Variants in RANGAP1 observed in about 807,000 individuals in gnomAD.
RANGAP1 encodes the protein ran GTPase-activating protein 1.
A neutral mutation model predicts 63.5 loss-of-function variants in RANGAP1; 38 were observed. That is an observed-to-expected ratio of 0.60 (90% CI 0.46 to 0.78). RANGAP1 has a LOEUF of 0.78. RANGAP1 is among the 30% of genes least tolerant of loss of function. RANGAP1 has a pLI of 0.00. For synonymous variants in RANGAP1, 329 were observed against 310.5 expected (o/e 1.06, Z -0.63); for missense variants, 630 against 740.3 (o/e 0.85, Z 1.73).
intron 2 of RANGAP1, among the ~76,000 whole-genome samples, chr22:41,275,048 C>G (rs571221833): frequency 6.6e-6 from 1 of 152,066 alleles, no homozygotes; most frequent in African/African-American, 2.4e-5. Context: ...GTGTACCAGG[C>G]CAAGCAGAGA....
chr22:41,249,304 C>A (rs530664443), intron 15 of RANGAP1, 26 bp downstream of exon 15: 1 of 1,567,422 alleles, frequency 6.4e-7, no homozygotes. Context: ...GGGCAGGCAC[C>A]GGCAGAAGGA....
intron 6 of RANGAP1, among the ~76,000 whole-genome samples, chr22:41,259,632 A>G (rs2034046788): frequency 6.6e-6 from 1 of 152,246 alleles, no homozygotes. Flanking sequence ...TCTATATATC[A>G]GCAGTAACTA....
the RANGAP1 span, among the ~76,000 whole-genome samples, chr22:41,293,189 C>T: frequency 2.0e-5 from 3 of 150,266 alleles, no homozygotes; most frequent in East Asian, 3.9e-4. Context: ...GAGCCGAGAT[C>T]GCGCCACTGC....
intron 1 of RANGAP1, among the ~76,000 whole-genome samples, chr22:41,284,427 C>T (rs1601730821): frequency 6.6e-6 from 1 of 151,698 alleles, no homozygotes; most frequent in African/African-American, 2.4e-5. Flanking sequence ...ATTAACCGGG[C>T]GTGGTGGCAC....
chr22:41,262,778 C>T (rs769030408), intron 5 of RANGAP1, among the ~76,000 whole-genome samples: 2 of 152,192 alleles, frequency 1.3e-5, no homozygotes, highest in Admixed American at 6.5e-5. Context: ...TCCCAGATTC[C>T]CTGGAGGCCA....
rs756314495 is a variant in RANGAP1, at chr22:41,257,990, A to G, written c.732T>C (p.Asn244=). Residue 244 remains asparagine, a synonymous_variant, in exon 7 of 16, where the codon AAT becomes AAC. Coordinates refer to ENST00000356244, the MANE Select transcript of RANGAP1 (RefSeq NM_002883.4). This position sits in a 1 kb window ranked among gnomAD's most constrained non-coding sequence, Gnocchi z 4.0. ...CGCCCTTCTCAGTGAAGGTGTTGTCATTCAGGTTGATGACCCGCAGCAGGG... is the reference window on the plus strand; with the variant it reads ...CGCCCTTCTCAGTGAAGGTGTTGTCGTTCAGGTTGATGACCCGCAGCAGGG... The part of the protein sequence containing the change: ...VNPLLRVINL[N]DNTFTEKGAV... 4 of 1,613,232 alleles carry G rather than the reference A, an allele frequency of 2.5e-6. No individual in the cohort carries two copies. Among genetic ancestry groups the G allele is most frequent in the Non-Finnish European group, 3.4e-6 (4 of 1,179,548 alleles).
At chr22:41,283,441 G>A (rs2035599185) in intron 1 of RANGAP1, among the ~76,000 whole-genome samples, 1 of 152,090 alleles carries the variant, frequency 6.6e-6, no homozygotes, top group Non-Finnish European at 1.5e-5. Flanking sequence ...CCCGGGAGGC[G>A]GAGGTTGCAG....
the RANGAP1 span, among the ~76,000 whole-genome samples, chr22:41,291,313 A>G: frequency 2.0e-5 from 3 of 152,102 alleles, no homozygotes; most frequent in Non-Finnish European, 2.9e-5. Context: ...TAATTCCTTC[A>G]TCGGCTGGGT....
rs71200678 is a variant in RANGAP1, at chr22:41,273,766, C to CAAAAAAAAAAAAAAAAA, written c.240+817_240+833dup. 4.1e-4 allele frequency among the ~76,000 whole-genome samples: 10 copies of CAAAAAAAAAAAAAAAAA among 24,356 alleles called. 2 individuals carry two copies. Among genetic ancestry groups the CAAAAAAAAAAAAAAAAA allele is most frequent in the Non-Finnish European group, 6.4e-4 (9 of 14,164 alleles). 16.0% of individuals were successfully genotyped at this position (24,356 alleles called of 152,430 possible). A position where few individuals can be genotyped will look rare whatever the true frequency, so the allele number is the denominator to read the frequency against. On this transcript the variant is annotated intron_variant, in intron 3 of 15. Transcript: ENST00000356244. ...CGGGTGACAGTGTGAGACTCCATCT[C>CAAAAAAAAAAAAAAAAA]AAAAAAAAAAAAAAAAAAAAAAAAA...
intron 4 of RANGAP1, 32 bp from the exon 5 acceptor site, chr22:41,264,875 T>A: frequency 6.3e-7 from 1 of 1,577,534 alleles, no homozygotes; most frequent in Non-Finnish European, 8.7e-7. Context: ...GTCAGTTTCA[T>A]AGACACCCAG....
rs141090986 is a variant in RANGAP1, at chr22:41,244,905, C to T, written c.*1698G>A. ...CCCAGAGAATCTGTTTGCAGCCTCA[C>T]TCCCTATTCCACCCTTCCCCTAGCC... On this transcript the variant is annotated 3_prime_UTR_variant, in exon 16 of 16. Coordinates refer to ENST00000356244, the MANE Select transcript of RANGAP1 (RefSeq NM_002883.4). 6.6e-6 allele frequency among the ~76,000 whole-genome samples: 1 copy of T among 152,328 alleles called. No homozygotes were observed. The highest frequency in any genetic ancestry group is 1.5e-5 in the Non-Finnish European group (1 of 68,028).
At chr22:41,278,637 T>TATGACATTGCTA (rs1472781776) in intron 2 of RANGAP1, among the ~76,000 whole-genome samples, 1 of 152,254 alleles carries the variant, frequency 6.6e-6, no homozygotes, top group Non-Finnish European at 1.5e-5. Flanking sequence ...GCTCTGCTAT[T>TATGACATTGCTA]TATCAAATGT....
At chr22:41,287,371 G>GTT (rs148508883), upstream of RANGAP1, among the ~76,000 whole-genome samples, 1,558 of 100,436 alleles carry the variant, frequency 0.016, 9 homozygotes, top group Non-Finnish European at 0.021. Context: ...CACAAACAGC[G>GTT]TTTTTTTTTT....
intron 1 of RANGAP1, among the ~76,000 whole-genome samples, chr22:41,283,275 C>A (rs916296055): frequency 1.3e-5 from 2 of 151,656 alleles, no homozygotes; most frequent in African/African-American, 4.9e-5. Flanking sequence ...CTTTGGGAGA[C>A]CGAGGCAGGT....
intron 1 of RANGAP1, chr22:41,285,637 C>A (rs1202188006): frequency 8.1e-6 from 8 of 985,288 alleles, no homozygotes; most frequent in Middle Eastern, 5.2e-4. Flanking sequence ...GAATACAGGC[C>A]GCAAATGATA....
rs1395254255 is a variant in RANGAP1, at chr22:41,246,149, C to A, written c.*454G>T. ...CTTGGTGACGAGAAGCAGCCCCAGG[C>A]AGGGCAGGAAACAACCCAATCACAA... On this transcript the variant is annotated 3_prime_UTR_variant, in exon 16 of 16. Transcript: ENST00000356244. 3 of 172,864 alleles carry A rather than the reference C, an allele frequency of 1.7e-5. No homozygotes were observed. Among genetic ancestry groups the A allele is most frequent in the Non-Finnish European group, 3.7e-5 (3 of 80,698 alleles). The allele number at this position is 172,864 out of a possible 1,614,324, so 10.7% of individuals were successfully genotyped here.
Position 41,268,239 on chromosome 22 carries a change from T to G in RANGAP1, c.241-83A>C, listed in dbSNP as rs1405048129. On this transcript the variant is annotated intron_variant, in intron 3 of 15. Coordinates refer to ENST00000356244, the MANE Select transcript of RANGAP1 (RefSeq NM_002883.4). ...AAGCCTCATCCTGGTGGATTTGAAC[T>G]ACCAGAGCATCACAAGACTTTTTTC... 5 of 1,132,520 alleles carry G rather than the reference T, an allele frequency of 4.4e-6. No homozygotes were observed. The Admixed American group carries it at 8.6e-5, about 20-fold the overall frequency. The allele number at this position is 1,132,520 out of a possible 1,614,324, so 70.2% of individuals were successfully genotyped here.
At chr22:41,280,244 A>G (rs2035420419) in intron 2 of RANGAP1, among the ~76,000 whole-genome samples, 1 of 152,192 alleles carries the variant, frequency 6.6e-6, no homozygotes, top group Admixed American at 6.5e-5. Flanking sequence ...CCTACACAAC[A>G]TGACAACCAG....
intron 2 of RANGAP1, among the ~76,000 whole-genome samples, chr22:41,279,203 G>C (rs1307937282): frequency 6.6e-6 from 1 of 151,934 alleles, no homozygotes; most frequent in African/African-American, 2.4e-5. Flanking sequence ...AGACACAGTG[G>C]CTCACGCCTG....
Sources: allele counts gnomAD v4.1 joint callset (sites outside exome capture counted in the v4.1 genomes callset), GRCh38; gene constraint gnomAD v4.1.1; non-coding constraint Gnocchi (gnomAD v3.1); transcripts MANE v1.5; gene names NCBI Gene and HGNC (gene_info 2026-07-23, HGNC 2026-07-21).